The following ALMS1 variants were observed in gnomAD, a reference collection of about 807,000 sequenced individuals.
ALMS1 encodes centrosome-associated protein ALMS1.
ALMS1 carries 271 observed loss-of-function variants against 352.2 expected under a neutral mutation model. The observed-to-expected ratio is 0.77, with a 90% confidence interval of 0.70 to 0.85. The LOEUF is 0.85. Among genes scored for constraint, ALMS1 ranks in the 40% least tolerant of loss-of-function variants. ALMS1 has a pLI of 0.00. For synonymous variants in ALMS1, 1,865 were observed against 1,761.2 expected (o/e 1.06, Z -1.48); for missense variants, 5,445 against 4,870.7 (o/e 1.12, Z -3.51).
intron 16 of ALMS1, among the ~76,000 whole-genome samples, chr2:73,598,295 T>G (rs1451729978): frequency 6.6e-6 from 1 of 152,208 alleles, no homozygotes; most frequent in Non-Finnish European, 1.5e-5. Flanking sequence ...AAGGCTAACC[T>G]GGCAGGGCAT....
intron 6 of ALMS1, among the ~76,000 whole-genome samples, chr2:73,431,852 C>T (rs1671506056): frequency 6.6e-6 from 1 of 152,156 alleles, no homozygotes; most frequent in East Asian, 1.9e-4. Context: ...GGTTCAAATT[C>T]TGCGATGATC....
chr2:73,439,111 C>T (rs1671664807), intron 7 of ALMS1, among the ~76,000 whole-genome samples: 1 of 137,104 alleles, frequency 7.3e-6, no homozygotes, highest in Middle Eastern at 3.5e-3. Context: ...TCTCCTCCTC[C>T]TCCTCTTTTT....
intron 9 of ALMS1, among the ~76,000 whole-genome samples, chr2:73,465,118 AC>A (rs572586567): frequency 6.6e-6 from 1 of 152,194 alleles, no homozygotes; most frequent in Non-Finnish European, 1.5e-5. Context: ...GACTTTCTTC[AC>A]AGAATTGGAA....
rs766688001 is a variant in ALMS1 at position 73,394,992 on chromosome 2, ATATATATATGTGTATATATATGTG to A, written c.324+8826_324+8849del. Among the ~76,000 whole-genome samples the A allele has an allele frequency of 1.9e-3, 228 of 122,024 alleles. 1 individual carries two copies. Among genetic ancestry groups the A allele is most frequent in the South Asian group, 5.7e-3 (25 of 4,396 alleles). The allele number at this position is 122,024 out of a possible 152,430, so 80.1% of individuals were successfully genotyped here. On this transcript the variant is annotated intron_variant, in intron 1 of 22. Transcript: ENST00000613296. The stretch of plus-strand genomic sequence containing the variant: ...TATGGTATTTTACATATATATGTGT[ATATATATATGTGTATATATATGTG>A]TATATATATGTGTATATATATGTGT...
rs1430075527 is a variant in ALMS1 at position 73,573,010 on chromosome 2, T to C, written c.11133T>C (p.Ile3711=). Residue 3711 remains isoleucine, a synonymous_variant, in exon 16 of 23, where the codon ATT becomes ATC. Coordinates refer to ENST00000613296, the MANE Select transcript of ALMS1 (RefSeq NM_001378454.1). ...CTGGGAGGTCTAATCAAATTAAAATTGAACAGATTAAATTTGATAAATATA... is the reference window on the plus strand; with the variant it reads ...CTGGGAGGTCTAATCAAATTAAAATCGAACAGATTAAATTTGATAAATATA... ...HRAGRSNQIK[I]EQIKFDKYIL... is the part of the protein sequence containing the mutation. 1.2e-6 allele frequency: 2 copies of C among 1,614,050 alleles called. No homozygotes were observed. The highest frequency in any genetic ancestry group is 4.5e-5 in the East Asian group (2 of 44,880).
chr2:73,601,733 C>T (rs768929654), intron 19 of ALMS1, among the ~76,000 whole-genome samples: 1 of 152,218 alleles, frequency 6.6e-6, no homozygotes, highest in Non-Finnish European at 1.5e-5. Context: ...GTGGAGGGCC[C>T]GGAGGCCTGA....
At chr2:73,579,759 C>T (rs112601476) in intron 16 of ALMS1, among the ~76,000 whole-genome samples, 6 of 152,144 alleles carry the variant, frequency 3.9e-5, no homozygotes, top group East Asian at 1.9e-4. Context: ...TTAATTTTAC[C>T]GAGGATCCCT....
chr2:73,499,670 T>C (rs1673181089), intron 10 of ALMS1, among the ~76,000 whole-genome samples: 1 of 152,132 alleles, frequency 6.6e-6, no homozygotes, highest in Admixed American at 6.5e-5. Flanking sequence ...CCCATGTGAT[T>C]TAGTTTTTAT....
intron 10 of ALMS1, among the ~76,000 whole-genome samples, chr2:73,498,081 T>C (rs942507659): frequency 2.0e-5 from 3 of 152,114 alleles, no homozygotes; most frequent in African/African-American, 7.2e-5. Context: ...TGTATAATAG[T>C]GTCATGTCTA....
At chr2:73,464,383 C>G (rs1185678302) in intron 9 of ALMS1, among the ~76,000 whole-genome samples, 2 of 152,160 alleles carry the variant, frequency 1.3e-5, no homozygotes, top group African/African-American at 4.8e-5. Flanking sequence ...AGGCCTTTGA[C>G]AAAATTCAAC....
intron 10 of ALMS1, among the ~76,000 whole-genome samples, chr2:73,494,216 G>A (rs957669663): frequency 2.0e-5 from 3 of 152,136 alleles, no homozygotes; most frequent in Non-Finnish European, 4.4e-5. Flanking sequence ...GTGTCATCTC[G>A]TCACCTCTGC....
At chr2:73,443,458 TTC>T (rs373468988) in intron 7 of ALMS1, among the ~76,000 whole-genome samples, 15 of 152,296 alleles carry the variant, frequency 9.8e-5, no homozygotes, top group African/African-American at 3.4e-4. Flanking sequence ...AGGAAAATGT[TTC>T]TGTTTTTCAC....
chr2:73,431,134 T>C (rs1671491798), intron 6 of ALMS1, among the ~76,000 whole-genome samples: 1 of 152,124 alleles, frequency 6.6e-6, no homozygotes, highest in Non-Finnish European at 1.5e-5. Flanking sequence ...ATTCACTAGA[T>C]ACTAGTAACA....
chr2:73,446,911 C>T (rs1470079225), intron 7 of ALMS1, among the ~76,000 whole-genome samples: 7 of 152,142 alleles, frequency 4.6e-5, no homozygotes, highest in South Asian at 2.1e-4. Context: ...CTTTGCAACT[C>T]GGTTTCCCTA....
In ALMS1 at chr2:73,559,096, G is replaced by T. The variant is rs928444733; in HGVS notation, c.10338G>T (p.Glu3446Asp). 72 of 1,613,816 alleles carry T rather than the reference G, an allele frequency of 4.5e-5. No homozygotes were observed. The highest frequency in any genetic ancestry group is 5.9e-5 in the Non-Finnish European group (70 of 1,179,944). The change falls in exon 15 of 23, where the codon GAG becomes GAT. Residue 3446 changes from glutamate (E) to aspartate (D), a missense_variant. Physicochemically the swap from Glu to Asp is conservative, Grantham distance 45 (BLOSUM62 2). Transcript: ENST00000613296. ...EEIHRKKTVPEEAWPNNKESL... is the reference protein window; with the variant it reads ...EEIHRKKTVPDEAWPNNKESL... ...TCCATAGGAAGAAGACAGTTCCCGA[G>T]GAAGCCTGGCCAAACAATAAAGAAT... is the stretch of plus-strand genomic sequence containing the variant.
chr2:73,576,948 A>G (rs1675067384), intron 16 of ALMS1, among the ~76,000 whole-genome samples: 2 of 152,020 alleles, frequency 1.3e-5, no homozygotes, highest in Non-Finnish European at 2.9e-5. Context: ...TTCTGTTAAT[A>G]TGGTGTATAT....
intron 10 of ALMS1, among the ~76,000 whole-genome samples, chr2:73,510,985 G>C (rs1673439663): frequency 6.6e-6 from 1 of 152,212 alleles, no homozygotes; most frequent in Non-Finnish European, 1.5e-5. Flanking sequence ...TGTTTACACT[G>C]TGAGGGGAAA....
At chr2:73,430,077 C>CT (rs541160037) in intron 6 of ALMS1, among the ~76,000 whole-genome samples, 2,125 of 140,108 alleles carry the variant, frequency 0.015, 48 homozygotes, top group African/African-American at 0.043. Flanking sequence ...GTATTACCTA[C>CT]TTTTTTTTTT....
At chr2:73,514,478 A>G (rs182452882) in intron 10 of ALMS1, among the ~76,000 whole-genome samples, 4 of 152,240 alleles carry the variant, frequency 2.6e-5, no homozygotes, top group Admixed American at 1.3e-4. Flanking sequence ...TTGTTGTCAT[A>G]TATTTCTGTT....
Sources: allele counts gnomAD v4.1 joint callset (sites outside exome capture counted in the v4.1 genomes callset), GRCh38; gene constraint gnomAD v4.1.1; transcripts MANE v1.5; gene names NCBI Gene and HGNC (gene_info 2026-07-23, HGNC 2026-07-21).